The following ADAMTS12 variants were observed in gnomAD, a reference collection of about 807,000 sequenced individuals.
ADAMTS12 encodes ADAM metallopeptidase with thrombospondin type 1 motif 12.
A neutral mutation model predicts 167.8 loss-of-function variants in ADAMTS12; 118 were observed. The observed-to-expected ratio is 0.70, with a 90% confidence interval of 0.61 to 0.82. ADAMTS12 has a LOEUF of 0.82. Ranked by LOEUF, ADAMTS12 falls within the 40% of genes least tolerant of loss-of-function variation. The probability of loss-of-function intolerance (pLI) is 0.00; values close to 1 mark genes in which losing one functional copy is unlikely to be tolerated. For missense variants in ADAMTS12, 1,916 were observed against 1,998.8 expected (o/e 0.96, Z 0.79); for synonymous variants, 704 against 716.9 (o/e 0.98, Z 0.29).
At chr5:33,670,639 G>A (rs1179430958) in intron 5 of ADAMTS12, among the ~76,000 whole-genome samples, 1 of 152,192 alleles carries the variant, frequency 6.6e-6, no homozygotes, top group African/African-American at 2.4e-5. Context: ...CTACTCAGGA[G>A]GTTGAGGCAG....
intron 12 of ADAMTS12, among the ~76,000 whole-genome samples, chr5:33,633,469 G>A (rs1398517471): frequency 6.6e-6 from 1 of 151,544 alleles, no homozygotes; most frequent in Non-Finnish European, 1.5e-5. Flanking sequence ...AACAATGACA[G>A]CATACAGGTC....
chr5:33,590,899 T>A (rs746406706), intron 17 of ADAMTS12, among the ~76,000 whole-genome samples: 1 of 38,444 alleles, frequency 2.6e-5, no homozygotes, highest in Non-Finnish European at 5.5e-5. Context: ...TTCTTCTTCC[T>A]TTTTTTTTTT....
chr5:33,571,896 T>TA (rs1456665587), intron 19 of ADAMTS12, among the ~76,000 whole-genome samples: 1 of 151,706 alleles, frequency 6.6e-6, no homozygotes, highest in Non-Finnish European at 1.5e-5. Context: ...ATAGACACAA[T>TA]AAAAAATGAT....
At chr5:33,592,840 C>T (rs1747714346) in intron 17 of ADAMTS12, among the ~76,000 whole-genome samples, 1 of 152,088 alleles carries the variant, frequency 6.6e-6, no homozygotes, top group South Asian at 2.1e-4. Flanking sequence ...AATGACAGCT[C>T]CCAGTGATGG....
At chr5:33,736,428 G>A (rs955929854) in intron 3 of ADAMTS12, among the ~76,000 whole-genome samples, 1 of 152,140 alleles carries the variant, frequency 6.6e-6, no homozygotes, top group African/African-American at 2.4e-5. Flanking sequence ...AGAAGTTCTG[G>A]TACTAAGGTT....
intron 6 of ADAMTS12, among the ~76,000 whole-genome samples, chr5:33,659,805 T>C (rs1741192274): frequency 6.6e-6 from 1 of 152,214 alleles, no homozygotes; most frequent in Non-Finnish European, 1.5e-5. Context: ...ACTCTGTTAA[T>C]GTGGATCTCA....
At chr5:33,686,012 G>C (rs1362856763) in intron 3 of ADAMTS12, among the ~76,000 whole-genome samples, 1 of 152,088 alleles carries the variant, frequency 6.6e-6, no homozygotes, top group African/African-American at 2.4e-5. Context: ...GTTACAGGTT[G>C]GGCTGAGTAC....
At chr5:33,745,187 G>A (rs1449766563) in intron 3 of ADAMTS12, among the ~76,000 whole-genome samples, 1 of 152,156 alleles carries the variant, frequency 6.6e-6, no homozygotes, top group African/African-American at 2.4e-5. Context: ...TGGGTGAGGG[G>A]TGGAAAGCTC....
chr5:33,771,518 A>C (rs1745736109), intron 2 of ADAMTS12, among the ~76,000 whole-genome samples: 1 of 152,114 alleles, frequency 6.6e-6, no homozygotes, highest in African/African-American at 2.4e-5. Flanking sequence ...TGAATATTCT[A>C]AATTTCCTAT....
At chr5:33,879,331 G>C (rs1750343303) in intron 2 of ADAMTS12, among the ~76,000 whole-genome samples, 1 of 152,074 alleles carries the variant, frequency 6.6e-6, no homozygotes, top group Non-Finnish European at 1.5e-5. Context: ...AGACCATACT[G>C]CTCCATCCCA....
chr5:33,732,144 CA>C (rs1412468173), intron 3 of ADAMTS12, among the ~76,000 whole-genome samples: 1 of 152,226 alleles, frequency 6.6e-6, no homozygotes, highest in African/African-American at 2.4e-5. Flanking sequence ...GATGTCTGCC[CA>C]GCACCAGGAG....
At chr5:33,686,946 GAGAGAGAGAGCA>G (rs1367787128) in intron 3 of ADAMTS12, among the ~76,000 whole-genome samples, 3 of 150,636 alleles carry the variant, frequency 2.0e-5, no homozygotes, top group South Asian at 2.1e-4. Flanking sequence ...TAGAGAGAGA[GAGAGAGAGAGCA>G]AGAGAGAGAG....
intron 2 of ADAMTS12, among the ~76,000 whole-genome samples, chr5:33,845,081 T>G (rs1579985853): frequency 6.6e-6 from 1 of 152,222 alleles, no homozygotes; most frequent in African/African-American, 2.4e-5. Flanking sequence ...TTTCCATACA[T>G]GTATATTAGT....
At chr5:33,645,206 T>C (rs1276403442) in intron 9 of ADAMTS12, among the ~76,000 whole-genome samples, 3 of 151,560 alleles carry the variant, frequency 2.0e-5, no homozygotes, top group Non-Finnish European at 2.9e-5. Context: ...ACTCAAGCTA[T>C]AAGGGGTACA....
chr5:33,834,267 G>A (rs912428367), intron 2 of ADAMTS12, among the ~76,000 whole-genome samples: 2 of 152,084 alleles, frequency 1.3e-5, no homozygotes, highest in African/African-American at 4.8e-5. Context: ...AATTTTTGGG[G>A]GAATCACAAT....
At chr5:33,689,879 A>T (rs186061585) in intron 3 of ADAMTS12, among the ~76,000 whole-genome samples, 110 of 152,364 alleles carry the variant, frequency 7.2e-4, no homozygotes, top group African/African-American at 2.5e-3. Context: ...AGTAAAGAAA[A>T]GAATGAACCC....
rs375478961 is a variant in ADAMTS12 at position 33,552,894 on chromosome 5, G to T, written c.4126-3511C>A. 3.3e-5 allele frequency among the ~76,000 whole-genome samples: 5 copies of T among 152,252 alleles called. No homozygotes were observed. In the East Asian group the frequency reaches 7.7e-4, roughly 23 times the overall value. On this transcript the variant is annotated intron_variant, in intron 20 of 23. Coordinates refer to ENST00000504830, the MANE Select transcript of ADAMTS12 (RefSeq NM_030955.4). ...ACTAAAGAGCTCCTGTACAGCAAAA[G>T]AAACTATCAACAGAGTAAACAGACA...
chr5:33,799,742 TA>T (rs1746923833), intron 2 of ADAMTS12, among the ~76,000 whole-genome samples: 1 of 152,186 alleles, frequency 6.6e-6, no homozygotes, highest in South Asian at 2.1e-4. Context: ...GTTGAGTGAA[TA>T]TCTGAAAGCA....
intron 18 of ADAMTS12, among the ~76,000 whole-genome samples, chr5:33,580,119 T>C (rs1746984987): frequency 6.6e-6 from 1 of 152,252 alleles, no homozygotes; most frequent in African/African-American, 2.4e-5. Context: ...GTAATCTTAC[T>C]GATGGTGTGA....
Sources: gnomAD v4.1 joint callset for allele counts (sites outside exome capture counted in the v4.1 genomes callset) on GRCh38, gnomAD v4.1.1 for gene constraint, MANE v1.5 for transcripts, NCBI Gene and HGNC (gene_info 2026-07-23, HGNC 2026-07-21) for gene names.